The following EYS variants were observed in gnomAD, a reference collection of about 807,000 sequenced individuals.
EYS encodes the protein protein eyes shut homolog.
In EYS, 250 loss-of-function variants were observed where a neutral mutation model predicts 282.1. That is an observed-to-expected ratio of 0.89 (90% confidence interval 0.80 to 0.98). The LOEUF (loss-of-function observed/expected upper bound fraction) is 0.98. EYS is among the 50% of genes least tolerant of loss of function. EYS has a pLI of 0.00. For missense variants in EYS, 4,016 were observed against 3,709.0 expected (o/e 1.08, Z -2.15); for synonymous variants, 1,355 against 1,282.9 (o/e 1.06, Z -1.20).
intron 22 of EYS, among the ~76,000 whole-genome samples, chr6:64,687,733 A>C (rs1770209867): frequency 6.6e-6 from 1 of 152,242 alleles, no homozygotes; most frequent in Admixed American, 6.5e-5. Flanking sequence ...TGCTGGCCTC[A>C]TAAAATGAGT....
intron 34 of EYS, among the ~76,000 whole-genome samples, chr6:63,993,608 G>T (rs1406353308): frequency 6.6e-6 from 1 of 151,682 alleles, no homozygotes; most frequent in Non-Finnish European, 1.5e-5. Flanking sequence ...ATAAACTTAA[G>T]AGGGCAAAAA....
chr6:64,734,124 G>GA (rs5876917), intron 22 of EYS, among the ~76,000 whole-genome samples: 54 of 147,656 alleles, frequency 3.7e-4, no homozygotes, highest in African/African-American at 9.2e-4. Context: ...TATTTTAAGG[G>GA]AAAAAAAAAA....
intron 19 of EYS, among the ~76,000 whole-genome samples, chr6:64,850,370 A>G (rs1290323038): frequency 6.6e-6 from 1 of 152,094 alleles, no homozygotes; most frequent in South Asian, 2.1e-4. Context: ...TAGAAACTCC[A>G]TTTCATGTAA....
intron 31 of EYS, among the ~76,000 whole-genome samples, chr6:64,093,719 C>T (rs1030975732): frequency 1.3e-5 from 2 of 152,126 alleles, no homozygotes; most frequent in Admixed American, 6.5e-5. Flanking sequence ...ATTTGACTTC[C>T]TCTTTTCCTA....
chr6:65,327,217 C>T lies in EYS; in HGVS notation c.1766+7763G>A, dbSNP rs184819964. Among the ~76,000 whole-genome samples the T allele has an allele frequency of 7.3e-4, 110 of 151,684 alleles. 1 individual carries two copies. The highest frequency in any genetic ancestry group is 2.5e-3 in the African/African-American group (105 of 41,522). On this transcript the variant is annotated intron_variant, in intron 11 of 42. Coordinates refer to ENST00000503581, the MANE Select transcript of EYS (RefSeq NM_001142800.2). The stretch of plus-strand genomic sequence containing the variant: ...AAGTCTGTAGTTCCAGCCTTGTTCT[C>T]AATTAAGATCTCTCCAGTAAGTTTT...
At chr6:64,661,260 G>A (rs933453796) in intron 22 of EYS, among the ~76,000 whole-genome samples, 2 of 152,138 alleles carry the variant, frequency 1.3e-5, no homozygotes, top group African/African-American at 4.8e-5. Context: ...AGACTTACAT[G>A]TTAGACCTGA....
intron 26 of EYS, among the ~76,000 whole-genome samples, chr6:64,548,088 G>A (rs908032016): frequency 6.6e-6 from 1 of 152,182 alleles, no homozygotes. Flanking sequence ...TCCAGCCTCG[G>A]CCAGCCCAGG....
intron 2 of EYS, among the ~76,000 whole-genome samples, chr6:65,540,695 G>A (rs1206301520): frequency 6.6e-6 from 1 of 152,156 alleles, no homozygotes; most frequent in African/African-American, 2.4e-5. Context: ...GAGGCGGGCA[G>A]ATTACCTGAG....
chr6:64,230,187 A>T (rs1350558500), intron 31 of EYS, among the ~76,000 whole-genome samples: 1 of 152,204 alleles, frequency 6.6e-6, no homozygotes, highest in Non-Finnish European at 1.5e-5. Flanking sequence ...CTAAATTCAA[A>T]TATGAGGATT....
intron 22 of EYS, among the ~76,000 whole-genome samples, chr6:64,707,974 G>A (rs1374888094): frequency 6.6e-6 from 1 of 151,940 alleles, no homozygotes; most frequent in Non-Finnish European, 1.5e-5. Context: ...ATTTGCATGG[G>A]TTTTAATGCA....
intron 14 of EYS, among the ~76,000 whole-genome samples, chr6:64,955,712 G>A (rs1769680605): frequency 6.6e-6 from 1 of 152,140 alleles, no homozygotes; most frequent in African/African-American, 2.4e-5. Context: ...GAGTCACTAT[G>A]GTCTACTCCA....
chr6:65,538,303 G>A lies in EYS; in HGVS notation c.-332-42310C>T, dbSNP rs181100563. 6.8e-4 allele frequency among the ~76,000 whole-genome samples: 103 copies of A among 152,100 alleles called. 1 individual carries two copies. Among genetic ancestry groups the A allele is most frequent in the Admixed American group, 6.1e-3 (93 of 15,254 alleles). On this transcript the variant is annotated intron_variant, in intron 2 of 42. Transcript: ENST00000503581. Reference sequence around the variant, plus strand: ...AATAAGGAAATATAGTTTGATTGTTGGACAGTTCCAAGGGTCCAATAAAGG... The same window carrying A: ...AATAAGGAAATATAGTTTGATTGTTAGACAGTTCCAAGGGTCCAATAAAGG...
intron 13 of EYS, among the ~76,000 whole-genome samples, chr6:65,012,755 A>C (rs926742094): frequency 2.6e-5 from 4 of 151,328 alleles, no homozygotes; most frequent in Admixed American, 1.3e-4. Context: ...ATAAAATAAG[A>C]GCAATAAAAC....
intron 37 of EYS, among the ~76,000 whole-genome samples, chr6:63,793,420 T>C (rs1448147595): frequency 6.6e-6 from 1 of 152,242 alleles, no homozygotes; most frequent in African/African-American, 2.4e-5. Context: ...GAAGTACATA[T>C]GCATGCACAA....
chr6:65,332,102 G>A (rs12212303), intron 11 of EYS: 20,483 of 400,370 alleles, frequency 0.051, 698 homozygotes, highest in Middle Eastern at 0.087. Context: ...AAAGTATAAT[G>A]TTAGTTATGT....
intron 5 of EYS, among the ~76,000 whole-genome samples, chr6:65,467,504 A>AACAC (rs5876966): frequency 1.3e-4 from 19 of 150,658 alleles, no homozygotes; most frequent in Middle Eastern, 3.4e-3. Flanking sequence ...TGACTATTTA[A>AACAC]ACACACACAC....
intron 2 of EYS, among the ~76,000 whole-genome samples, chr6:65,607,540 A>G (rs1414101923): frequency 3.3e-5 from 5 of 151,870 alleles, no homozygotes; most frequent in African/African-American, 7.2e-5. Context: ...CTATGATATT[A>G]CTGCTTCTTT....
intron 24 of EYS, among the ~76,000 whole-genome samples, chr6:64,610,602 C>T (rs1461514466): frequency 6.6e-6 from 1 of 151,842 alleles, no homozygotes; most frequent in Non-Finnish European, 1.5e-5. Context: ...CGGGGTTTCA[C>T]CATGTTGGCC....
intron 2 of EYS, among the ~76,000 whole-genome samples, chr6:65,612,367 A>G (rs907665727): frequency 1.3e-5 from 2 of 151,728 alleles, no homozygotes; most frequent in African/African-American, 2.4e-5. Context: ...TGTTTGGTCC[A>G]TCTATCTGAT....
Sources: allele counts gnomAD v4.1 joint callset (sites outside exome capture counted in the v4.1 genomes callset), GRCh38; gene constraint gnomAD v4.1.1; transcripts MANE v1.5; gene names NCBI Gene and HGNC (gene_info 2026-07-23, HGNC 2026-07-21).